ANPEP: variants seen among roughly 807,000 people sequenced by gnomAD.
ANPEP encodes the protein aminopeptidase N.
A neutral mutation model predicts 114.6 loss-of-function variants in ANPEP; 70 were observed. That is an observed-to-expected ratio of 0.61 (90% CI 0.50 to 0.75). The LOEUF is 0.75. Among genes scored for constraint, ANPEP ranks in the 30% least tolerant of loss-of-function variants. The pLI, the probability that ANPEP is intolerant of heterozygous loss-of-function variation, is 0.00. For synonymous variants in ANPEP, 548 were observed against 522.3 expected, an observed-to-expected ratio of 1.05 and a Z score of -0.67; for missense variants, 1,184 against 1,259.5, an observed-to-expected ratio of 0.94 and a Z score of 0.91.
Position 89,785,091 on chromosome 15 carries a change from A to T in ANPEP, c.*258T>A. On this transcript the variant is annotated 3_prime_UTR_variant, in exon 21 of 21. Transcript: ENST00000300060. ...GCTGGGCTTCCCTGAGATCAGCCCC[A>T]GGGCACTGGGCGACAGGTGCCATGC... The T allele has an allele frequency of 2.2e-6, 1 of 461,240 alleles. No individual in the cohort carries two copies. Among genetic ancestry groups the T allele is most frequent in the Non-Finnish European group, 4.0e-6 (1 of 252,442 alleles). The allele number at this position is 461,240 out of a possible 1,614,324, so 28.6% of individuals were successfully genotyped here.
chr15:89,785,002 A>C lies in ANPEP; in HGVS notation c.*347T>G. ...TCTTTAGGGAAAGGTGAAAGAGGGT[A>C]CAGGGCGGCCCCCAGCAAGGCCGTT... On this transcript the variant is annotated 3_prime_UTR_variant, in exon 21 of 21. Transcript: ENST00000300060. 2 of 246,466 alleles carry C rather than the reference A, an allele frequency of 8.1e-6. No individual in the cohort carries two copies. The highest frequency in any genetic ancestry group is 9.4e-5 in the East Asian group (1 of 10,642). 15.3% of individuals were successfully genotyped at this position (246,466 alleles called of 1,614,324 possible).
intron 1 of ANPEP, among the ~76,000 whole-genome samples, chr15:89,812,645 G>A (rs1229175705): frequency 6.6e-6 from 1 of 152,018 alleles, no homozygotes; most frequent in East Asian, 2.0e-4. Flanking sequence ...TCTGCCAAAT[G>A]GGGGGTGATT....
At chr15:89,795,166 T>C (rs1233610103) in intron 15 of ANPEP, among the ~76,000 whole-genome samples, 1 of 149,720 alleles carries the variant, frequency 6.7e-6, no homozygotes, top group African/African-American at 2.5e-5. Context: ...AGATATTGCA[T>C]AGGATGCTGG....
At chr15:89,813,991 T>TTGGGG (rs796085758) in intron 1 of ANPEP, among the ~76,000 whole-genome samples, 6 of 111,710 alleles carry the variant, frequency 5.4e-5, no homozygotes, top group African/African-American at 8.6e-5. Flanking sequence ...ACCGCACTGC[T>TTGGGG]GGGGGGGGGG....
Position 89,799,695 on chromosome 15 carries a change from G to A in ANPEP, c.1820-136C>T, listed in dbSNP as rs1171436055. On this transcript the variant is annotated intron_variant, in intron 12 of 20. Transcript: ENST00000300060. The surrounding 1 kb of genome is among the most constrained non-coding windows in gnomAD (Gnocchi z 4.2). ...CTGCTGGGGAGACGCTAAGGGTGGG[G>A]AAGGAAGGGATGAGGAACTGGGCTG... 7.7e-7 allele frequency: 1 copy of A among 1,303,730 alleles called. No homozygotes were observed. Among genetic ancestry groups the A allele is most frequent in the Non-Finnish European group, 1.1e-6 (1 of 941,818 alleles). 80.8% of individuals were successfully genotyped at this position (1,303,730 alleles called of 1,614,324 possible). A position where few individuals can be genotyped will look rare whatever the true frequency, so the allele number is the denominator to read the frequency against.
At position 89,799,116 on chromosome 15, in the gene ANPEP, A is replaced by T; in HGVS notation, c.2009+144T>A. The T allele has an allele frequency of 1.2e-6, 1 of 833,804 alleles. No homozygotes were observed. Among genetic ancestry groups the T allele is most frequent in the Non-Finnish European group, 1.9e-6 (1 of 516,168 alleles). The allele number at this position is 833,804 out of a possible 1,614,324, so 51.7% of individuals were successfully genotyped here. ...GAAATGGGTGTGTGGGGACCCAGGG[A>T]GGGACGTCCAGGGAGCACAGGAGCT... is the stretch of plus-strand genomic sequence containing the variant. On this transcript the variant is annotated intron_variant, in intron 14 of 20. Coordinates refer to ENST00000300060, the MANE Select transcript of ANPEP (RefSeq NM_001150.3). This position sits in a 1 kb window ranked among gnomAD's most constrained non-coding sequence, Gnocchi z 4.2.
chr15:89,803,569 C>A lies in ANPEP; in HGVS notation c.1438-62G>T. 6.2e-7 allele frequency: 1 copy of A among 1,601,304 alleles called. No individual in the cohort carries two copies. ...CAGAGCCACCAGGACCCTGTGCCCC[C>A]AGACCCTGCCTTCAGTGAGGCCCCT... On this transcript the variant is annotated intron_variant, in intron 8 of 20. Transcript: ENST00000300060. The surrounding 1 kb of genome is among the most constrained non-coding windows in gnomAD (Gnocchi z 4.2).
Position 89,797,584 on chromosome 15 carries a change from G to T in ANPEP, c.2148C>A (p.Gly716=). The T allele has an allele frequency of 6.2e-7, 1 of 1,613,698 alleles. No individual in the cohort carries two copies. The highest frequency in any genetic ancestry group is 8.5e-7 in the Non-Finnish European group (1 of 1,179,780). ...KLMFDRSEVY[G]PMKNYLKKQV... Reference sequence around the variant, plus strand: ...CCATGCACCTCCGTACCTTCATGGGGCCATAGACCTCGGAGCGGTCAAACA... The same window carrying T: ...CCATGCACCTCCGTACCTTCATGGGTCCATAGACCTCGGAGCGGTCAAACA... Residue 716 remains glycine, a synonymous_variant, in exon 15 of 21, where the codon GGC becomes GGA. Transcript: ENST00000300060.
chr15:89,813,844 C>T (rs1380712371), intron 1 of ANPEP, among the ~76,000 whole-genome samples: 1 of 152,218 alleles, frequency 6.6e-6, no homozygotes, highest in Non-Finnish European at 1.5e-5. Context: ...CATCAGACCT[C>T]AGGTCTGGCT....
intron 20 of ANPEP, among the ~76,000 whole-genome samples, chr15:89,786,645 A>G (rs1457765738): frequency 6.6e-6 from 1 of 151,818 alleles, no homozygotes; most frequent in Non-Finnish European, 1.5e-5. Flanking sequence ...GTGAGCTGTG[A>G]TCTCACCACT....
chr15:89,796,771 A>T (rs968493573), intron 15 of ANPEP, among the ~76,000 whole-genome samples: 1 of 152,138 alleles, frequency 6.6e-6, no homozygotes, highest in Non-Finnish European at 1.5e-5. Flanking sequence ...CTGGGATTAC[A>T]GGCATGAGCC....
chr15:89,811,125 A>G (rs1371743639), intron 1 of ANPEP, among the ~76,000 whole-genome samples: 1 of 152,232 alleles, frequency 6.6e-6, no homozygotes, highest in Non-Finnish European at 1.5e-5. Flanking sequence ...GACAGCAGTT[A>G]AGGATGGAAC....
Position 89,785,128 on chromosome 15 carries a change from C to G in ANPEP, c.*221G>C. On this transcript the variant is annotated 3_prime_UTR_variant, in exon 21 of 21. Coordinates refer to ENST00000300060, the MANE Select transcript of ANPEP (RefSeq NM_001150.3). The stretch of plus-strand genomic sequence containing the variant: ...GACAGGTGCCATGCCAGGCCTAGGG[C>G]GGGGTTGGCATGAGGGGCAGGGGCT... 1.8e-6 allele frequency: 1 copy of G among 557,134 alleles called. No homozygotes were observed. The highest frequency in any genetic ancestry group is 3.1e-6 in the Non-Finnish European group (1 of 317,532). The allele number at this position is 557,134 out of a possible 1,614,324, so 34.5% of individuals were successfully genotyped here.
chr15:89,807,230 A>G (rs187207807), intron 1 of ANPEP, among the ~76,000 whole-genome samples: 8 of 152,186 alleles, frequency 5.3e-5, no homozygotes, highest in Non-Finnish European at 7.3e-5. Context: ...ATAAAATGAA[A>G]TGAGTTGTTT....
At chr15:89,787,011 C>T (rs1221712861) in intron 20 of ANPEP, among the ~76,000 whole-genome samples, 1 of 150,476 alleles carries the variant, frequency 6.6e-6, no homozygotes, top group Non-Finnish European at 1.5e-5. Flanking sequence ...GATCAAATGC[C>T]TACGTTTGAG....
chr15:89,790,599 C>T, intron 19 of ANPEP, 58 bp from the exon 20 acceptor site: 1 of 1,427,568 alleles, frequency 7.0e-7, no homozygotes, highest in Non-Finnish European at 9.9e-7. Context: ...GAGGCTCATC[C>T]TCACACCTAC....
intron 10 of ANPEP, among the ~76,000 whole-genome samples, chr15:89,801,808 G>A (rs1418693979): frequency 6.6e-6 from 1 of 152,228 alleles, no homozygotes; most frequent in Non-Finnish European, 1.5e-5. Context: ...ACGAGCTGGA[G>A]AACTTCCCAG....
Position 89,797,570 on chromosome 15 carries a change from C to T in ANPEP, c.2157+5G>A, listed in dbSNP as rs767785529. ...GTTCTTGAACCCTACCATGCACCTC[C>T]GTACCTTCATGGGGCCATAGACCTC... On this transcript the variant is annotated splice_donor_5th_base_variant and intron_variant, in intron 15 of 20. Transcript: ENST00000300060. 15 of 1,611,928 alleles carry T rather than the reference C, an allele frequency of 9.3e-6. No individual in the cohort carries two copies. Among genetic ancestry groups the T allele is most frequent in the Admixed American group, 1.7e-5 (1 of 59,502 alleles).
chr15:89,785,381 C>T lies in ANPEP; in HGVS notation c.2872G>A (p.Val958Met). 6.2e-7 allele frequency: 1 copy of T among 1,614,222 alleles called. No individual in the cohort carries two copies. Among genetic ancestry groups the T allele is most frequent in the Non-Finnish European group, 8.5e-7 (1 of 1,180,032 alleles). Residue 958 changes from valine (V) to methionine (M), a missense_variant, in exon 21 of 21, where the codon GTG (valine) becomes ATG (methionine). Physicochemically the swap from Val to Met is conservative, Grantham distance 21. Transcript: ENST00000300060. ...IKWVKENKEVVLQWFTENSK is the reference protein window; with the variant it reads ...IKWVKENKEVMLQWFTENSK Reference sequence around the variant, plus strand: ...CTGTTTTCTGTGAACCACTGGAGCACCACCTCCTTGTTCTCCTTCACCCAC... The same window carrying T: ...CTGTTTTCTGTGAACCACTGGAGCATCACCTCCTTGTTCTCCTTCACCCAC...
Sources: gnomAD v4.1 joint callset for allele counts (sites outside exome capture counted in the v4.1 genomes callset) on GRCh38, gnomAD v4.1.1 for gene constraint, Gnocchi (gnomAD v3.1) non-coding constraint, MANE v1.5 for transcripts, NCBI Gene and HGNC (gene_info 2026-07-23, HGNC 2026-07-21) for gene names.